Variants in FKTN observed in about 807,000 individuals in gnomAD.
FKTN encodes ribitol-5-phosphate transferase FKTN.
A neutral mutation model predicts 58.6 loss-of-function variants in FKTN; 47 were observed. The ratio of observed to expected loss-of-function variants is 0.80; its 90% CI spans 0.63 to 1.02. The LOEUF is 1.02. Ranked by LOEUF, FKTN falls within the 50% of genes least tolerant of loss-of-function variation. The pLI, the probability that FKTN is intolerant of heterozygous loss-of-function variation, is 0.00. For missense variants in FKTN, 516 were observed against 537.3 expected (o/e 0.96, Z 0.39); for synonymous variants, 178 against 191.9 (o/e 0.93, Z 0.60).
At chr9:105,579,099 A>G (rs939646042) in intron 3 of FKTN, among the ~76,000 whole-genome samples, 3 of 151,194 alleles carry the variant, frequency 2.0e-5, no homozygotes, top group Non-Finnish European at 4.4e-5. Flanking sequence ...AATTTTGTTG[A>G]CCTTTTCAAA....
intron 3 of FKTN, among the ~76,000 whole-genome samples, chr9:105,579,825 A>C (rs2132151705): frequency 6.6e-6 from 1 of 151,498 alleles, no homozygotes; most frequent in Non-Finnish European, 1.5e-5. Context: ...GTCACACAGG[A>C]CTTGCTTTAT....
At chr9:105,572,360 C>G (rs1840887488) in intron 1 of FKTN, among the ~76,000 whole-genome samples, 1 of 152,094 alleles carries the variant, frequency 6.6e-6, no homozygotes, top group Non-Finnish European at 1.5e-5. Context: ...GTGCCCTATT[C>G]TATCTGAAAT....
At chr9:105,588,247 G>A (rs749911737) in intron 3 of FKTN, among the ~76,000 whole-genome samples, 3 of 152,154 alleles carry the variant, frequency 2.0e-5, no homozygotes, top group Non-Finnish European at 4.4e-5. Flanking sequence ...GAGTTCAGTT[G>A]CTACCAGACT....
At position 105,640,230 on chromosome 9, in the gene FKTN, G is replaced by C. The variant is rs1002223545; in HGVS notation, c.*4966G>C. 1.1e-5 allele frequency: 15 copies of C among 1,417,638 alleles called. No individual in the cohort carries two copies. The highest frequency in any genetic ancestry group is 1.4e-5 in the Non-Finnish European group (15 of 1,078,052). The allele number at this position is 1,417,638 out of a possible 1,614,324, so 87.8% of individuals were successfully genotyped here. ...TTTTGTATAGGTCCTGTGCTTAAAG[G>C]AGGCAAGTATAAATTTTCTAATAAG... On this transcript the variant is annotated 3_prime_UTR_variant, in exon 11 of 11. Coordinates refer to ENST00000357998, the MANE Select transcript of FKTN (RefSeq NM_001079802.2).
chr9:105,572,684 A>T (rs1840954396), intron 1 of FKTN, among the ~76,000 whole-genome samples: 1 of 152,036 alleles, frequency 6.6e-6, no homozygotes. Context: ...TGCAGGAAGC[A>T]CTCTCTTGCT....
chr9:105,601,054 C>T, intron 4 of FKTN, 91 bp from the exon 5 acceptor site: 1 of 771,580 alleles, frequency 1.3e-6, no homozygotes. Context: ...AACTACTCTG[C>T]ATTCTTATAC....
At position 105,635,788 on chromosome 9, in the gene FKTN, T is replaced by C. The variant is rs1480553630; in HGVS notation, c.*524T>C. ...TGAGTGACATCAAGAAAAGATGATA[T>C]CAGGTTCATTTTTCAACTAATCTTA... On this transcript the variant is annotated 3_prime_UTR_variant, in exon 11 of 11. Transcript: ENST00000357998. 1 of 1,002,552 alleles carries C rather than the reference T, an allele frequency of 1.0e-6. No individual in the cohort carries two copies. The highest frequency in any genetic ancestry group is 5.2e-5 in the Admixed American group (1 of 19,322). 62.1% of individuals were successfully genotyped at this position (1,002,552 alleles called of 1,614,324 possible). A position where few individuals can be genotyped will look rare whatever the true frequency, so the allele number is the denominator to read the frequency against.
chr9:105,580,262 C>T (rs972864936), intron 3 of FKTN, among the ~76,000 whole-genome samples: 12 of 152,114 alleles, frequency 7.9e-5, no homozygotes, highest in African/African-American at 2.4e-4. Context: ...TTCCTAGTCT[C>T]GACGGTCTTT....
intron 3 of FKTN, among the ~76,000 whole-genome samples, chr9:105,576,995 G>A (rs1255480102): frequency 1.1e-4 from 11 of 103,142 alleles, no homozygotes; most frequent in African/African-American, 2.9e-4. Flanking sequence ...CATGTCCTTC[G>A]CCCACTTTTT....
At chr9:105,566,218 C>T (rs926204175) in intron 1 of FKTN, among the ~76,000 whole-genome samples, 7 of 151,890 alleles carry the variant, frequency 4.6e-5, no homozygotes, top group African/African-American at 1.5e-4. Context: ...AAATTGACAC[C>T]CTAACATCAC....
At chr9:105,580,059 T>C (rs1842576257) in intron 3 of FKTN, among the ~76,000 whole-genome samples, 1 of 151,970 alleles carries the variant, frequency 6.6e-6, no homozygotes, top group Non-Finnish European at 1.5e-5. Context: ...CCTATGTGTG[T>C]CTCTGCACGT....
chr9:105,589,928 G>T (rs1844567187), intron 3 of FKTN, among the ~76,000 whole-genome samples: 1 of 152,194 alleles, frequency 6.6e-6, no homozygotes, highest in East Asian at 1.9e-4. Flanking sequence ...GAGAATAGTA[G>T]GTAAGGTTAG....
At chr9:105,630,201 T>TA (rs199976867) in intron 10 of FKTN, among the ~76,000 whole-genome samples, 3 of 151,636 alleles carry the variant, frequency 2.0e-5, no homozygotes, top group South Asian at 2.1e-4. Flanking sequence ...CAAGTATAAT[T>TA]AAAAAAAAGA....
In FKTN at chr9:105,607,833, A is replaced by T. The variant is rs924215153; in HGVS notation, c.662A>T (p.Gln221Leu). The T allele has an allele frequency of 1.9e-6, 3 of 1,612,856 alleles. No individual in the cohort carries two copies. Among genetic ancestry groups the T allele is most frequent in the Non-Finnish European group, 2.5e-6 (3 of 1,179,364 alleles). ...PGAFDRPELQ[Q>L]VTVDGLEVLI... ...TTTGTTTTCAGGCCAGAGTTACAGC[A>T]AGTTACTGTTGATGGACTGGAAGTT... Residue 221 changes from glutamine to leucine, a missense_variant, in exon 7 of 11, where the codon CAA (glutamine) becomes CTA (leucine). By Grantham distance (113) the Gln-to-Leu change is moderately radical (BLOSUM62 -2). Transcript: ENST00000357998.
chr9:105,566,542 T>C (rs1332105999), intron 1 of FKTN, among the ~76,000 whole-genome samples: 1 of 151,968 alleles, frequency 6.6e-6, no homozygotes, highest in African/African-American at 2.4e-5. Flanking sequence ...CTAGAAAATC[T>C]AGAAGAAATG....
intron 3 of FKTN, 127 bp from the exon 4 acceptor site, chr9:105,596,471 A>G: frequency 1.4e-6 from 1 of 692,660 alleles, no homozygotes; most frequent in Admixed American, 2.2e-5. Flanking sequence ...TATATGAAAA[A>G]TAGATATTTG....
At chr9:105,598,143 G>A (rs990010094) in intron 4 of FKTN, 2 of 467,768 alleles carry the variant, frequency 4.3e-6, no homozygotes, top group South Asian at 1.6e-5. Context: ...TTACTTCCAC[G>A]GTACGCAAGC....
rs1003568654 is a variant in FKTN at position 105,624,641 on chromosome 9, A to G, written c.1172+4580A>G. ...GCAAAACCAAAAAAAAAAAAAAAAAAGAAAAAGAATCATTACTTTTCTCTT... is the reference window on the plus strand; with the variant it reads ...GCAAAACCAAAAAAAAAAAAAAAAAGGAAAAAGAATCATTACTTTTCTCTT... On this transcript the variant is annotated intron_variant, in intron 10 of 10. Coordinates refer to ENST00000357998, the MANE Select transcript of FKTN (RefSeq NM_001079802.2). 1.3e-4 allele frequency among the ~76,000 whole-genome samples: 20 copies of G among 150,786 alleles called. No individual in the cohort carries two copies. The South Asian group carries it at 4.0e-3, about 30-fold the overall frequency.
At chr9:105,599,494 G>A (rs1389832003) in intron 4 of FKTN, among the ~76,000 whole-genome samples, 1 of 22,346 alleles carries the variant, frequency 4.5e-5, no homozygotes, top group Admixed American at 5.4e-4. Context: ...TTTTTTTTTT[G>A]AGATGAAGTC....
Sources: gnomAD v4.1 joint callset for allele counts (sites outside exome capture counted in the v4.1 genomes callset) on GRCh38, gnomAD v4.1.1 for gene constraint, MANE v1.5 for transcripts, NCBI Gene and HGNC (gene_info 2026-07-23, HGNC 2026-07-21) for gene names.